MEGF11: variants seen among roughly 807,000 people sequenced by gnomAD.
MEGF11 encodes multiple epidermal growth factor-like domains protein 11.
MEGF11 carries 126 observed loss-of-function variants against 146.6 expected under a neutral mutation model. The ratio of observed to expected loss-of-function variants is 0.86; its 90% CI spans 0.74 to 1.00. The LOEUF is 1.00. MEGF11 is among the 50% of genes least tolerant of loss of function. MEGF11 has a pLI of 0.00. For missense variants in MEGF11, 1,509 were observed against 1,521.2 expected (o/e 0.99, Z 0.13); for synonymous variants, 532 against 583.4 (o/e 0.91, Z 1.27).
intron 9 of MEGF11, among the ~76,000 whole-genome samples, chr15:65,964,422 T>G (rs556590397): frequency 6.6e-6 from 1 of 152,322 alleles, no homozygotes. Flanking sequence ...TCGTGATTTT[T>G]AAGGTCCCTT....
chr15:66,096,813 A>C (rs1044414409), intron 4 of MEGF11, among the ~76,000 whole-genome samples: 13 of 152,108 alleles, frequency 8.5e-5, no homozygotes, highest in Admixed American at 7.9e-4. Flanking sequence ...GCCTTCTCCA[A>C]GCTGGGGGGG....
chr15:66,233,951 C>CTTTTTT (rs57240560), intron 1 of MEGF11, among the ~76,000 whole-genome samples: 3 of 119,926 alleles, frequency 2.5e-5, no homozygotes, highest in African/African-American at 6.4e-5. Context: ...TTTTCTTTTT[C>CTTTTTT]TTTTTTTTTT....
chr15:65,909,187 G>T, intron 22 of MEGF11, 52 bp from the exon 23 acceptor site: 1 of 1,255,194 alleles, frequency 8.0e-7, no homozygotes, highest in Non-Finnish European at 1.1e-6. Flanking sequence ...CCCTGGTATA[G>T]CAGGGGAAGG....
intron 1 of MEGF11, among the ~76,000 whole-genome samples, chr15:66,130,024 C>T (rs1270212901): frequency 2.0e-5 from 3 of 152,106 alleles, no homozygotes; most frequent in African/African-American, 7.2e-5. Context: ...CTCAGAGCTC[C>T]CCACCCAATC....
chr15:66,021,011 A>ATTCC (rs2083099945), intron 5 of MEGF11, among the ~76,000 whole-genome samples: 1 of 2,240 alleles, frequency 4.5e-4, no homozygotes, highest in African/African-American at 6.9e-4. Context: ...AAAAAAAAAA[A>ATTCC]AAAAAAAAAA....
intron 5 of MEGF11, among the ~76,000 whole-genome samples, chr15:66,018,432 A>T (rs2082971638): frequency 6.6e-6 from 1 of 152,232 alleles, no homozygotes; most frequent in African/African-American, 2.4e-5. Flanking sequence ...TACAGGCAGC[A>T]CAGGGTGGCC....
intron 18 of MEGF11, 28 bp downstream of exon 18, chr15:65,916,120 C>G: frequency 6.4e-7 from 1 of 1,565,566 alleles, no homozygotes; most frequent in East Asian, 2.3e-5. Context: ...AGCAGCATCA[C>G]CCAGGATCAG....
chr15:66,098,145 G>A (rs951624845), intron 4 of MEGF11, among the ~76,000 whole-genome samples: 32 of 152,314 alleles, frequency 2.1e-4, no homozygotes, highest in African/African-American at 7.2e-4. Context: ...CAGATGGAAG[G>A]CCAGGGCATC....
intron 1 of MEGF11, among the ~76,000 whole-genome samples, chr15:66,252,712 T>C (rs1407584379): frequency 1.3e-5 from 2 of 152,196 alleles, no homozygotes; most frequent in African/African-American, 4.8e-5. Flanking sequence ...AAGTAGTATT[T>C]TTTCTAACAA....
chr15:65,970,579 G>A lies in MEGF11; in HGVS notation c.873C>T (p.His291=). ...GQCDHVTGQC[H]CTAGYMGDRC... ...TGTCCCCCATGTATCCAGCTGTACA[G>A]TGGCACTGTCCAGTCACGTGGTCAC... The change falls in exon 8 of 26, where the codon CAC becomes CAT. Residue 291 remains histidine (H), a synonymous_variant. Transcript: ENST00000395614. 6 of 1,614,036 alleles carry A rather than the reference G, an allele frequency of 3.7e-6. No individual in the cohort carries two copies. Among genetic ancestry groups the A allele is most frequent in the Non-Finnish European group, 5.1e-6 (6 of 1,179,880 alleles).
intron 7 of MEGF11, among the ~76,000 whole-genome samples, chr15:65,973,117 C>CAA (rs59330024): frequency 2.0e-4 from 26 of 130,480 alleles, no homozygotes; most frequent in East Asian, 7.3e-4. Flanking sequence ...AACTCTGTCT[C>CAA]AAAAAAAAAA....
intron 1 of MEGF11, among the ~76,000 whole-genome samples, chr15:66,224,148 T>C (rs1395558945): frequency 2.6e-5 from 4 of 152,234 alleles, no homozygotes; most frequent in Admixed American, 6.5e-5. Flanking sequence ...GCTCCGCCTA[T>C]TACCAGCTCT....
intron 5 of MEGF11, among the ~76,000 whole-genome samples, chr15:66,029,129 G>T (rs767551497): frequency 1.1e-4 from 17 of 152,064 alleles, no homozygotes; most frequent in Admixed American, 5.9e-4. Context: ...CCTTAGAGAA[G>T]TGTGGCCAGG....
rs573570497 is a variant in MEGF11 at position 66,065,428 on chromosome 15, G to T, written c.394+28974C>A. Among the ~76,000 whole-genome samples, 3 of 152,244 alleles carry T rather than the reference G, an allele frequency of 2.0e-5. No homozygotes were observed. The South Asian group carries it at 6.2e-4, about 32-fold the overall frequency. ...ATGGGATGCCACCCCCTGCACTTTTGTGTCCTTTGCTCTGCATGTCTGGAT... is the reference window on the plus strand; with the variant it reads ...ATGGGATGCCACCCCCTGCACTTTTTTGTCCTTTGCTCTGCATGTCTGGAT... On this transcript the variant is annotated intron_variant, in intron 5 of 25. Transcript: ENST00000395614.
At chr15:66,199,514 A>G (rs975669086) in intron 1 of MEGF11, among the ~76,000 whole-genome samples, 2 of 152,190 alleles carry the variant, frequency 1.3e-5, no homozygotes, top group African/African-American at 4.8e-5. Flanking sequence ...TCCCCAAGCC[A>G]GCCCAGAGGC....
chr15:66,030,175 G>A (rs1158287189), intron 5 of MEGF11, among the ~76,000 whole-genome samples: 2 of 152,232 alleles, frequency 1.3e-5, no homozygotes, highest in South Asian at 2.1e-4. Flanking sequence ...CAGGCCACAC[G>A]TCTGCAACTC....
intron 1 of MEGF11, among the ~76,000 whole-genome samples, chr15:66,195,212 G>T (rs1366636406): frequency 2.6e-5 from 4 of 152,148 alleles, no homozygotes. Context: ...CCACCCATAT[G>T]AACTAATCTT....
At chr15:65,956,437 G>A (rs2080641933) in intron 10 of MEGF11, among the ~76,000 whole-genome samples, 1 of 152,202 alleles carries the variant, frequency 6.6e-6, no homozygotes, top group South Asian at 2.1e-4. Flanking sequence ...GCAACCTTGC[G>A]AGGCAGGTGT....
At chr15:66,071,322 C>T (rs2085356663) in intron 5 of MEGF11, among the ~76,000 whole-genome samples, 1 of 152,154 alleles carries the variant, frequency 6.6e-6, no homozygotes, top group South Asian at 2.1e-4. Flanking sequence ...AGAGTCTCCA[C>T]CGTGGGGTGC....
Sources: allele counts gnomAD v4.1 joint callset (sites outside exome capture counted in the v4.1 genomes callset), GRCh38; gene constraint gnomAD v4.1.1; transcripts MANE v1.5; gene names NCBI Gene and HGNC (gene_info 2026-07-23, HGNC 2026-07-21).